PTPRT: variants seen among roughly 807,000 people sequenced by gnomAD.
The protein encoded by PTPRT is receptor-type tyrosine-protein phosphatase T.
A neutral mutation model predicts 176.8 loss-of-function variants in PTPRT; 56 were observed. That is an observed-to-expected ratio of 0.32 (90% CI 0.26 to 0.40). The LOEUF (loss-of-function observed/expected upper bound fraction) is 0.40, where lower values mean the gene tolerates loss of function less well. Ranked by LOEUF, PTPRT falls within the 10% of genes least tolerant of loss-of-function variation. The pLI, the probability that PTPRT is intolerant of heterozygous loss-of-function variation, is 1.00. For missense variants in PTPRT, 1,540 were observed against 1,908.2 expected (o/e 0.81, Z 3.60); for synonymous variants, 783 against 739.0 (o/e 1.06, Z -0.96).
chr20:42,282,751 T>C (rs904003689), intron 12 of PTPRT, among the ~76,000 whole-genome samples: 3 of 152,176 alleles, frequency 2.0e-5, no homozygotes, highest in Non-Finnish European at 4.4e-5. Context: ...GTTCACTTCC[T>C]GACTCCTACC....
At chr20:42,793,163 T>C (rs1278958064) in intron 2 of PTPRT, among the ~76,000 whole-genome samples, 1 of 152,156 alleles carries the variant, frequency 6.6e-6, no homozygotes, top group African/African-American at 2.4e-5. Flanking sequence ...GCTATCAGGT[T>C]TTCGCCATCC....
intron 7 of PTPRT, among the ~76,000 whole-genome samples, chr20:42,676,523 A>G (rs2075505780): frequency 6.8e-6 from 1 of 146,366 alleles, no homozygotes; most frequent in Admixed American, 6.8e-5. Flanking sequence ...GAACATCCCC[A>G]GCTGTATATA....
chr20:42,900,266 C>G (rs1475922068), intron 1 of PTPRT, among the ~76,000 whole-genome samples: 1 of 152,144 alleles, frequency 6.6e-6, no homozygotes, highest in Non-Finnish European at 1.5e-5. Flanking sequence ...AGCCAGGGGG[C>G]TAAACCCAGG....
chr20:42,299,315 C>A (rs2145300931), intron 12 of PTPRT, among the ~76,000 whole-genome samples: 1 of 152,194 alleles, frequency 6.6e-6, no homozygotes, highest in East Asian at 1.9e-4. Flanking sequence ...ACAAACCTAA[C>A]TTAATTTCCA....
At position 42,073,147 on chromosome 20, in the gene PTPRT, A is replaced by T. The variant is rs1982452532; in HGVS notation, c.*7732T>A. 2 of 200,382 alleles carry T rather than the reference A, an allele frequency of 1.0e-5. No homozygotes were observed. The allele number at this position is 200,382 out of a possible 1,614,324, so 12.4% of individuals were successfully genotyped here. ...GGAGACTTTGGTCTCATGCAATATT[A>T]TATGCCCAGTGGATGTGAAGATGTC... On this transcript the variant is annotated 3_prime_UTR_variant, in exon 31 of 31. Coordinates refer to ENST00000373187, the MANE Select transcript of PTPRT (RefSeq NM_007050.6).
At chr20:42,698,240 A>C (rs1015956472) in intron 6 of PTPRT, among the ~76,000 whole-genome samples, 2 of 152,202 alleles carry the variant, frequency 1.3e-5, no homozygotes, top group African/African-American at 4.8e-5. Context: ...GGCTGATGTG[A>C]GCACATTTAG....
intron 8 of PTPRT, among the ~76,000 whole-genome samples, chr20:42,463,034 TA>T (rs1363526494): frequency 1.3e-5 from 2 of 152,238 alleles, no homozygotes; most frequent in East Asian, 3.9e-4. Flanking sequence ...TCCAGAAGGC[TA>T]AAAGGCTGTC....
chr20:43,112,198 A>G (rs1423131078), intron 1 of PTPRT, among the ~76,000 whole-genome samples: 1 of 152,230 alleles, frequency 6.6e-6, no homozygotes, highest in African/African-American at 2.4e-5. Flanking sequence ...AACATCTAAC[A>G]GCTCCTTCTC....
rs112387509 is a variant in PTPRT at position 42,862,126 on chromosome 20, A to T, written c.214+23681T>A. Among the ~76,000 whole-genome samples the T allele has an allele frequency of 2.9e-3, 440 of 152,256 alleles. 5 individuals are homozygous for T. Among genetic ancestry groups the T allele is most frequent in the African/African-American group, 0.01 (422 of 41,564 alleles). On this transcript the variant is annotated intron_variant, in intron 2 of 30. Transcript: ENST00000373187. ...ACATTTTACCCTTTTTTTTGGTACA[A>T]AGACTTGAAGATCTGGTGTATTTTG...
chr20:43,028,479 C>A (rs1986010180), intron 1 of PTPRT, among the ~76,000 whole-genome samples: 1 of 152,136 alleles, frequency 6.6e-6, no homozygotes, highest in African/African-American at 2.4e-5. Flanking sequence ...CTATCCTTAC[C>A]CCTGGTTTAT....
intron 15 of PTPRT, among the ~76,000 whole-genome samples, chr20:42,200,061 T>TACACACACAC (rs3086759): frequency 0.03 from 4,262 of 140,528 alleles, 76 homozygotes; most frequent in African/African-American, 0.063. Flanking sequence ...CACAAAAAAA[T>TACACACACAC]ACACACACAC....
intron 7 of PTPRT, among the ~76,000 whole-genome samples, chr20:42,499,005 T>C (rs529336782): frequency 6.6e-6 from 1 of 152,300 alleles, no homozygotes; most frequent in Non-Finnish European, 1.5e-5. Flanking sequence ...CCTGAGGCTG[T>C]GTCACAGGCC....
chr20:42,484,472 A>G (rs1415684017), intron 7 of PTPRT, among the ~76,000 whole-genome samples: 3 of 152,180 alleles, frequency 2.0e-5, no homozygotes, highest in Non-Finnish European at 4.4e-5. Context: ...TGCCTGTTCC[A>G]TGTTGATTTT....
chr20:42,364,084 G>A (rs1422571555), intron 9 of PTPRT, among the ~76,000 whole-genome samples: 5 of 152,118 alleles, frequency 3.3e-5, no homozygotes, highest in Admixed American at 6.6e-5. Flanking sequence ...AGAATTAGGG[G>A]CGATCAGGGG....
At chr20:43,136,803 A>T (rs908489763) in intron 1 of PTPRT, among the ~76,000 whole-genome samples, 2 of 152,216 alleles carry the variant, frequency 1.3e-5, no homozygotes, top group Non-Finnish European at 2.9e-5. Flanking sequence ...ATGAGGCAGC[A>T]TATGTAAAGT....
intron 11 of PTPRT, among the ~76,000 whole-genome samples, chr20:42,339,096 T>C (rs576456539): frequency 2.4e-4 from 36 of 152,304 alleles, no homozygotes; most frequent in Middle Eastern, 3.4e-3. Flanking sequence ...AGAGTGAAAG[T>C]TGGAAGTGGA....
chr20:42,605,102 T>C (rs1281713832), intron 7 of PTPRT, among the ~76,000 whole-genome samples: 2 of 152,130 alleles, frequency 1.3e-5, no homozygotes, highest in Non-Finnish European at 2.9e-5. Flanking sequence ...ACCCAAGCAC[T>C]ACAGGGAGAG....
chr20:42,713,038 T>C (rs562917335), intron 6 of PTPRT, among the ~76,000 whole-genome samples: 11 of 152,106 alleles, frequency 7.2e-5, no homozygotes, highest in Non-Finnish European at 1.0e-4. Context: ...GTTTTTGAAA[T>C]ACGCTACAAT....
intron 5 of PTPRT, among the ~76,000 whole-genome samples, chr20:42,759,460 T>C (rs2076884133): frequency 6.6e-6 from 1 of 152,026 alleles, no homozygotes; most frequent in African/African-American, 2.4e-5. Context: ...GGTCAGGAGA[T>C]TGAGATCATC....
Sources: allele counts gnomAD v4.1 joint callset (sites outside exome capture counted in the v4.1 genomes callset), GRCh38; gene constraint gnomAD v4.1.1; transcripts MANE v1.5; gene names NCBI Gene and HGNC (gene_info 2026-07-23, HGNC 2026-07-21).